The following MAP9 variants were observed in gnomAD, a reference collection of about 807,000 sequenced individuals.
MAP9 encodes microtubule associated protein 9.
In MAP9, 80 loss-of-function variants were observed where a neutral mutation model predicts 75.2. The ratio of observed to expected loss-of-function variants is 1.06; its 90% confidence interval spans 0.89 to 1.28. The LOEUF is 1.28. Ranked by LOEUF, MAP9 falls within the 50% of genes most tolerant of loss-of-function variation. The probability of loss-of-function intolerance (pLI) is 0.00; values close to 1 mark genes in which losing one functional copy is unlikely to be tolerated. For missense variants in MAP9, 753 were observed against 719.9 expected, an observed-to-expected ratio of 1.05 and a Z score of -0.53; for synonymous variants, 235 against 237.3, an observed-to-expected ratio of 0.99 and a Z score of 0.09.
Position 155,368,635 on chromosome 4 carries a change from A to C in MAP9, c.659T>G (p.Ile220Arg), listed in dbSNP as rs149389331. The C allele has an allele frequency of 6.2e-7, 1 of 1,614,182 alleles. No homozygotes were observed. The highest frequency in any genetic ancestry group is 8.5e-7 in the Non-Finnish European group (1 of 1,180,024). Residue 220 changes from isoleucine (I) to arginine (R), a missense_variant, in exon 5 of 14, where the codon ATA becomes AGA. Physicochemically the swap from Ile to Arg is moderately conservative, Grantham distance 97. Transcript: ENST00000311277. ...APSSLPTPNG[I>R]QLEAEKKAFS... ...TGCTTTTTTCTCAGCTTCTAATTGT[A>C]TGCCATTCGGCGTTGGAAGGGAAGA...
At chr4:155,375,330 A>T (rs1290303914) in intron 2 of MAP9, among the ~76,000 whole-genome samples, 1 of 152,156 alleles carries the variant, frequency 6.6e-6, no homozygotes, top group East Asian at 1.9e-4. Flanking sequence ...GAAGGGGCTC[A>T]ATTTAGATTA....
chr4:155,351,080 C>G (rs1038735083), intron 13 of MAP9: 4 of 151,564 alleles, frequency 2.6e-5, no homozygotes, highest in Middle Eastern at 6.8e-3. Context: ...GAAAGAAGAA[C>G]TATAAAGGGA....
Position 155,373,294 on chromosome 4 carries a change from C to A in MAP9, c.323G>T (p.Cys108Phe), listed in dbSNP as rs754427099. ...CATTTCCTCTTCATTTTTGATGGCA[C>A]ACACTGGCTCATCTTTGGTTATGTT... ...NGNITKDEPV[C>F]AIKNEEEMAP... The change falls in exon 4 of 14, where the codon TGT (cysteine) becomes TTT (phenylalanine). Residue 108 changes from cysteine to phenylalanine, a missense_variant. Cys to Phe is a radical substitution (Grantham distance 205, BLOSUM62 -2). Transcript: ENST00000311277. The A allele has an allele frequency of 6.2e-7, 1 of 1,613,756 alleles. No homozygotes were observed. Among genetic ancestry groups the A allele is most frequent in the East Asian group, 2.2e-5 (1 of 44,826 alleles).
chr4:155,355,055 C>A lies in MAP9; in HGVS notation c.1380+16G>T. 8.5e-7 allele frequency: 1 copy of A among 1,179,068 alleles called. No homozygotes were observed. The allele number at this position is 1,179,068 out of a possible 1,614,324, so 73.0% of individuals were successfully genotyped here. On this transcript the variant is annotated intron_variant, in intron 10 of 13. Coordinates refer to ENST00000311277, the MANE Select transcript of MAP9 (RefSeq NM_001039580.2). ...ATAAAAATCCAAAACATTTTTACTTCTATATGTCAGAATACCTGTTCATTT... is the reference window on the plus strand; with the variant it reads ...ATAAAAATCCAAAACATTTTTACTTATATATGTCAGAATACCTGTTCATTT...
chr4:155,371,977 T>C (rs991477636), intron 4 of MAP9, among the ~76,000 whole-genome samples: 2 of 152,224 alleles, frequency 1.3e-5, no homozygotes, highest in Admixed American at 6.5e-5. Context: ...TTATAGTTTA[T>C]GAGATGCACT....
chr4:155,368,644 G>A lies in MAP9; in HGVS notation c.650C>T (p.Pro217Leu), dbSNP rs772931614. The A allele has an allele frequency of 6.2e-6, 10 of 1,614,086 alleles. No individual in the cohort carries two copies. Among genetic ancestry groups the A allele is most frequent in the South Asian group, 2.2e-5 (2 of 91,082 alleles). The change falls in exon 5 of 14, where the codon CCG (proline) becomes CTG (leucine). Residue 217 changes from proline (P) to leucine (L), a missense_variant. Physicochemically the swap from Pro to Leu is moderately conservative, Grantham distance 98. Coordinates refer to ENST00000311277, the MANE Select transcript of MAP9 (RefSeq NM_001039580.2). ...LHSAPSSLPT[P>L]NGIQLEAEKK... The stretch of plus-strand genomic sequence containing the variant: ...CTCAGCTTCTAATTGTATGCCATTC[G>A]GCGTTGGAAGGGAAGAAGGTGCAGA...
intron 4 of MAP9, among the ~76,000 whole-genome samples, chr4:155,371,257 T>C (rs1470611320): frequency 6.6e-6 from 1 of 151,780 alleles, no homozygotes; most frequent in Non-Finnish European, 1.5e-5. Flanking sequence ...TCTCACCACA[T>C]TAAAAACATT....
In MAP9 at chr4:155,373,239, T is replaced by C. The variant is rs1405550993; in HGVS notation, c.378A>G (p.Val126=). ...MAPDGCEDIV[V]KSFSESQNKD... ...TATTTTGAGATTCAGAGAAAGATTT[T>C]ACAACAATGTCTTCACACCCATCAG... Residue 126 remains valine (V), a synonymous_variant, in exon 4 of 14, where the codon GTA becomes GTG. Transcript: ENST00000311277. 6.2e-7 allele frequency: 1 copy of C among 1,612,120 alleles called. No individual in the cohort carries two copies.
intron 10 of MAP9, 113 bp downstream of exon 10, chr4:155,354,958 T>A: frequency 2.0e-6 from 1 of 496,530 alleles, no homozygotes; most frequent in Non-Finnish European, 3.6e-6. Flanking sequence ...ATCATTTCTT[T>A]AATATACAAG....
chr4:155,371,818 T>C (rs1437302559), intron 4 of MAP9, among the ~76,000 whole-genome samples: 1 of 152,044 alleles, frequency 6.6e-6, no homozygotes, highest in Non-Finnish European at 1.5e-5. Flanking sequence ...GACAAATTTT[T>C]AGTTGCTATA....
At position 155,361,736 on chromosome 4, in the gene MAP9, A is replaced by G. The variant is rs574984460; in HGVS notation, c.802+312T>C. On this transcript the variant is annotated intron_variant, in intron 6 of 13. Coordinates refer to ENST00000311277, the MANE Select transcript of MAP9 (RefSeq NM_001039580.2). The stretch of plus-strand genomic sequence containing the variant: ...TGCAGAATATCACAGCAACACATAC[A>G]TAACAGTAGTTTACCTTAAGTGCTC... Among the ~76,000 whole-genome samples, 5 of 152,200 alleles carry G rather than the reference A, an allele frequency of 3.3e-5. No individual in the cohort carries two copies. The East Asian group carries it at 9.6e-4, about 29-fold the overall frequency.
rs114218387 is a variant in MAP9, at chr4:155,355,970, T to C, written c.1122-86A>G. The C allele has an allele frequency of 2.4e-3, 2,930 of 1,224,556 alleles. 43 individuals are homozygous for C. In the African/African-American group the frequency reaches 0.039, roughly 16 times the overall value. 75.9% of individuals were successfully genotyped at this position (1,224,556 alleles called of 1,614,324 possible). A position where few individuals can be genotyped will look rare whatever the true frequency, so the allele number is the denominator to read the frequency against. ...CTGTTAGAATATGCACGTATAATAT[T>C]TGAAAACTGGCCAGGCATGATGGCT... On this transcript the variant is annotated intron_variant, in intron 8 of 13. Transcript: ENST00000311277.
chr4:155,365,370 C>T (rs1201870952), intron 5 of MAP9, among the ~76,000 whole-genome samples: 1 of 151,888 alleles, frequency 6.6e-6, no homozygotes, highest in East Asian at 1.9e-4. Flanking sequence ...AAAATACTGA[C>T]AGAACTAAAG....
intron 2 of MAP9, among the ~76,000 whole-genome samples, 184 bp from the exon 3 acceptor site, chr4:155,375,205 A>C (rs956813111): frequency 2.0e-5 from 3 of 152,234 alleles, no homozygotes; most frequent in Non-Finnish European, 4.4e-5. Context: ...TACTCAATGC[A>C]GAGCATCACA....
At chr4:155,348,687 G>A (rs551059084) in intron 13 of MAP9, among the ~76,000 whole-genome samples, 2 of 152,128 alleles carry the variant, frequency 1.3e-5, no homozygotes, top group East Asian at 3.9e-4. Flanking sequence ...TTAGCCTTTT[G>A]TAAATTTTCT....
At chr4:155,362,952 G>C (rs1051704181) in intron 5 of MAP9, 13 of 152,200 alleles carry the variant, frequency 8.5e-5, no homozygotes, top group Non-Finnish European at 1.3e-4. Context: ...CAAATTAGTA[G>C]CTTTTTGCCA....
chr4:155,360,237 T>C lies in MAP9; in HGVS notation c.981A>G (p.Arg327=). The change falls in exon 7 of 14, where the codon AGA becomes AGG. Residue 327 remains arginine (R), a synonymous_variant. Coordinates refer to ENST00000311277, the MANE Select transcript of MAP9 (RefSeq NM_001039580.2). ...AKAELIMDDD[R]TVDPLLSKSQ... ...ATTTAGATAGTAGTGGATCAACTGT[T>C]CTGTCATCATCCATAATCAGTTCCG... The C allele has an allele frequency of 1.9e-6, 3 of 1,613,092 alleles. No homozygotes were observed. The highest frequency in any genetic ancestry group is 2.5e-6 in the Non-Finnish European group (3 of 1,179,282).
intron 13 of MAP9, 171 bp downstream of exon 13, chr4:155,352,425 G>T: frequency 1.0e-5 from 6 of 594,508 alleles, no homozygotes; most frequent in East Asian, 7.5e-5. Flanking sequence ...TAATAGAAAT[G>T]ACTAAGTCAA....
In MAP9 at chr4:155,347,551, T is replaced by A. The variant is rs562176232; in HGVS notation, c.*232A>T. The A allele has an allele frequency of 1.5e-4, 57 of 387,096 alleles. No homozygotes were observed. The South Asian group carries it at 4.5e-3, about 31-fold the overall frequency. 24.0% of individuals were successfully genotyped at this position (387,096 alleles called of 1,614,324 possible). On this transcript the variant is annotated 3_prime_UTR_variant, in exon 14 of 14. Coordinates refer to ENST00000311277, the MANE Select transcript of MAP9 (RefSeq NM_001039580.2). ...TCAGGACATGATAAAATCTTATGTA[T>A]CTTAATGGTAAAAACAATCTGATTA...
Sources: gnomAD v4.1 joint callset for allele counts (sites outside exome capture counted in the v4.1 genomes callset) on GRCh38, gnomAD v4.1.1 for gene constraint, MANE v1.5 for transcripts, NCBI Gene and HGNC (gene_info 2026-07-23, HGNC 2026-07-21) for gene names.